The following RNF150 variants were observed in gnomAD, a reference collection of about 807,000 sequenced individuals.
The protein encoded by RNF150 is ring finger protein 150.
RNF150 carries 24 observed loss-of-function variants against 39.3 expected under a neutral mutation model. The ratio of observed to expected loss-of-function variants is 0.61; its 90% CI spans 0.44 to 0.86. The LOEUF (loss-of-function observed/expected upper bound fraction) is 0.86, where lower values mean the gene tolerates loss of function less well. Ranked by LOEUF, RNF150 falls within the 40% of genes least tolerant of loss-of-function variation. The probability of loss-of-function intolerance (pLI) is 0.00; values close to 1 mark genes in which losing one functional copy is unlikely to be tolerated. For missense variants in RNF150, 502 were observed against 587.8 expected (o/e 0.85, Z 1.51); for synonymous variants, 255 against 227.3 (o/e 1.12, Z -1.10).
intron 1 of RNF150, among the ~76,000 whole-genome samples, chr4:140,969,163 T>C (rs1733361700): frequency 6.6e-6 from 1 of 152,160 alleles, no homozygotes; most frequent in African/African-American, 2.4e-5. Context: ...ACTTAGGGCT[T>C]TCCTTTGACC....
At position 141,132,277 on chromosome 4, in the gene RNF150, C is replaced by A. The variant is rs1470210570; in HGVS notation, c.484+48G>T. The A allele has an allele frequency of 3.2e-6, 5 of 1,547,112 alleles. No homozygotes were observed. The African/African-American group carries it at 6.8e-5, about 21-fold the overall frequency. ...GGCAGGCGCTGGATCCCTCTAGGCA[C>A]CTCCGTCCCCGCCGGCTCCCCTCCC... is the stretch of plus-strand genomic sequence containing the variant. On this transcript the variant is annotated intron_variant, in intron 1 of 6. Transcript: ENST00000515673. This position sits in a 1 kb window ranked among gnomAD's most constrained non-coding sequence, Gnocchi z 4.9.
chr4:141,178,623 C>T (rs551366152), intron 1 of RNF150, among the ~76,000 whole-genome samples: 5 of 151,990 alleles, frequency 3.3e-5, no homozygotes, highest in African/African-American at 1.2e-4. Flanking sequence ...TTAAAGAAGA[C>T]AAGTTCCTTA....
intron 1 of RNF150, among the ~76,000 whole-genome samples, chr4:141,099,669 A>C (rs1407059787): frequency 6.6e-6 from 1 of 152,156 alleles, no homozygotes; most frequent in Non-Finnish European, 1.5e-5. Context: ...TATTTATTTC[A>C]GGGGAGTAGA....
At chr4:141,146,720 T>C (rs1430724629) in intron 1 of RNF150, among the ~76,000 whole-genome samples, 1 of 152,196 alleles carries the variant, frequency 6.6e-6, no homozygotes, top group Non-Finnish European at 1.5e-5. Context: ...CACTCTCAGA[T>C]ATGAAGCCCA....
chr4:140,867,438 G>A lies in RNF150; in HGVS notation c.*823C>T, dbSNP rs552208666. Reference sequence around the variant, plus strand: ...TGGATGCCTTGGAGGGGACTTCTGAGTTCAGAATTTCAGCCAAAGACTGTA... The same window carrying A: ...TGGATGCCTTGGAGGGGACTTCTGAATTCAGAATTTCAGCCAAAGACTGTA... On this transcript the variant is annotated 3_prime_UTR_variant, in exon 7 of 7. Coordinates refer to ENST00000515673, the MANE Select transcript of RNF150 (RefSeq NM_020724.2). 3.3e-5 allele frequency: 5 copies of A among 152,318 alleles called. No homozygotes were observed. Among genetic ancestry groups the A allele is most frequent in the South Asian group, 2.1e-4 (1 of 4,822 alleles). 9.4% of individuals were successfully genotyped at this position (152,318 alleles called of 1,614,324 possible).
In RNF150 at chr4:141,132,424, T is replaced by C. The variant is rs1211385986; in HGVS notation, c.385A>G (p.Arg129Gly). 3 of 1,610,018 alleles carry C rather than the reference T, an allele frequency of 1.9e-6. No homozygotes were observed. Among genetic ancestry groups the C allele is most frequent in the South Asian group, 1.1e-5 (1 of 89,800 alleles). ...ALIPKGNCTY[R>G]DKIRNAFLQN... Reference sequence around the variant, plus strand: ...AGGAACGCGTTCCGGATCTTATCCCTGTACGTGCAGTTGCCCTTGGGGATG... The same window carrying C: ...AGGAACGCGTTCCGGATCTTATCCCCGTACGTGCAGTTGCCCTTGGGGATG... Residue 129 changes from arginine to glycine, a missense_variant, in exon 1 of 7, where the codon AGG becomes GGG. By Grantham distance (125) the Arg-to-Gly change is moderately radical. Coordinates refer to ENST00000515673, the MANE Select transcript of RNF150 (RefSeq NM_020724.2). This position sits in a 1 kb window ranked among gnomAD's most constrained non-coding sequence, Gnocchi z 4.9.
At chr4:141,012,049 A>T (rs956978183) in intron 1 of RNF150, among the ~76,000 whole-genome samples, 1 of 152,144 alleles carries the variant, frequency 6.6e-6, no homozygotes, top group Admixed American at 6.5e-5. Context: ...GAGTACAGCT[A>T]CTCTTTTTAG....
chr4:141,148,878 G>A (rs1727247970), intron 1 of RNF150, among the ~76,000 whole-genome samples: 1 of 152,184 alleles, frequency 6.6e-6, no homozygotes, highest in South Asian at 2.1e-4. Context: ...CTCAGAAGCT[G>A]CAGAAGGGGG....
intron 1 of RNF150, among the ~76,000 whole-genome samples, chr4:141,196,540 G>T (rs1248201123): frequency 6.6e-6 from 1 of 152,154 alleles, no homozygotes; most frequent in African/African-American, 2.4e-5. Context: ...TTTGAGAATT[G>T]CTCCATTATG....
intron 5 of RNF150, among the ~76,000 whole-genome samples, chr4:140,923,504 C>G (rs2111314138): frequency 6.6e-6 from 1 of 152,228 alleles, no homozygotes; most frequent in South Asian, 2.1e-4. Context: ...GAAATAGGAA[C>G]ACTTTTACAC....
chr4:140,967,502 A>AC, intron 2 of RNF150, 121 bp downstream of exon 2: 1 of 691,964 alleles, frequency 1.4e-6, no homozygotes, highest in Non-Finnish European at 2.4e-6. Flanking sequence ...GCAAATGTTA[A>AC]CAGTGTTTAT....
intron 1 of RNF150, among the ~76,000 whole-genome samples, chr4:141,062,395 A>G (rs1006500575): frequency 4.6e-5 from 7 of 152,146 alleles, no homozygotes; most frequent in Non-Finnish European, 1.0e-4. Context: ...GTCTACACAC[A>G]CACACGCACA....
chr4:140,911,311 C>A lies in RNF150; in HGVS notation c.1031G>T (p.Gly344Val), dbSNP rs1276440910. 1.2e-6 allele frequency: 2 copies of A among 1,614,112 alleles called. No homozygotes were observed. Among genetic ancestry groups the A allele is most frequent in the Non-Finnish European group, 8.5e-7 (1 of 1,180,022 alleles). ...CMDDLPTDFE[G>V]SLGGPPTNQI... ...GTTGGTGGGTGGACCTCCCAGAGAG[C>A]CCTCGAAGTCAGTGGGCAAGTCGTC... Residue 344 changes from glycine (G) to valine (V), a missense_variant, in exon 6 of 7, where the codon GGC (glycine) becomes GTC (valine). Physicochemically the swap from Gly to Val is moderately radical, Grantham distance 109 (BLOSUM62 -3). Coordinates refer to ENST00000515673, the MANE Select transcript of RNF150 (RefSeq NM_020724.2).
intron 1 of RNF150, among the ~76,000 whole-genome samples, chr4:141,067,376 G>A (rs575593983): frequency 6.6e-6 from 1 of 152,308 alleles, no homozygotes; most frequent in South Asian, 2.1e-4. Flanking sequence ...CAAACTCTGG[G>A]TTAATAGAGT....
intron 5 of RNF150, among the ~76,000 whole-genome samples, chr4:140,915,219 T>A (rs750334712): frequency 3.9e-5 from 6 of 152,226 alleles, no homozygotes; most frequent in Non-Finnish European, 8.8e-5. Context: ...CTCTTTTCAA[T>A]TTTCTTTGAA....
intron 1 of RNF150, among the ~76,000 whole-genome samples, chr4:141,162,477 T>C (rs1002915025): frequency 1.3e-5 from 2 of 152,126 alleles, no homozygotes; most frequent in Non-Finnish European, 2.9e-5. Flanking sequence ...TTTGAGTTCA[T>C]GCTGGAATGA....
At chr4:141,024,744 G>C (rs1167932478) in intron 1 of RNF150, among the ~76,000 whole-genome samples, 1 of 152,060 alleles carries the variant, frequency 6.6e-6, no homozygotes, top group African/African-American at 2.4e-5. Context: ...ATTTATACAG[G>C]CAAAACGGAG....
intron 1 of RNF150, among the ~76,000 whole-genome samples, chr4:141,008,989 C>T (rs73858464): frequency 0.076 from 11,546 of 152,018 alleles, 495 homozygotes; most frequent in Middle Eastern, 0.16. Flanking sequence ...TTTATTATGT[C>T]AACATTTCAA....
At chr4:141,166,568 G>T (rs926866002) in intron 1 of RNF150, among the ~76,000 whole-genome samples, 1 of 152,150 alleles carries the variant, frequency 6.6e-6, no homozygotes, top group African/African-American at 2.4e-5. Context: ...ACCAAATCCA[G>T]CAGCAAATCA....
Sources: gnomAD v4.1 joint callset for allele counts (sites outside exome capture counted in the v4.1 genomes callset) on GRCh38, gnomAD v4.1.1 for gene constraint, Gnocchi (gnomAD v3.1) non-coding constraint, MANE v1.5 for transcripts, NCBI Gene and HGNC (gene_info 2026-07-23, HGNC 2026-07-21) for gene names.